FAM178B: variants seen among roughly 807,000 people sequenced by gnomAD.
FAM178B encodes the protein family with sequence similarity 178 member B.
FAM178B carries 82 observed loss-of-function variants against 91.7 expected under a neutral mutation model. The ratio of observed to expected loss-of-function variants is 0.89; its 90% confidence interval spans 0.75 to 1.07. FAM178B has a LOEUF of 1.07. Among genes scored for constraint, FAM178B ranks in the 50% least tolerant of loss-of-function variants. The pLI is 0.00. For synonymous variants in FAM178B, 368 were observed against 359.4 expected, an observed-to-expected ratio of 1.02 and a Z score of -0.27; for missense variants, 769 against 846.7, an observed-to-expected ratio of 0.91 and a Z score of 1.14.
intron 16 of FAM178B, among the ~76,000 whole-genome samples, chr2:96,876,671 G>A (rs753995784): frequency 4.6e-5 from 7 of 152,146 alleles, no homozygotes; most frequent in African/African-American, 1.7e-4. Flanking sequence ...ACCACAGCCT[G>A]TGGCCAGTGT....
intron 7 of FAM178B, among the ~76,000 whole-genome samples, chr2:96,950,966 T>C (rs1257020): frequency 0.8 from 121,079 of 152,108 alleles, 49,765 homozygotes; most frequent in African/African-American, 0.94. Context: ...GGACCTGTGA[T>C]CGCTGGTGAA....
chr2:96,961,388 G>A (rs1315373687), intron 5 of FAM178B, among the ~76,000 whole-genome samples: 3 of 151,774 alleles, frequency 2.0e-5, no homozygotes, highest in Admixed American at 1.3e-4. Flanking sequence ...GACATGCTCA[G>A]ACACGTGCAA....
Position 96,892,973 on chromosome 2 carries a change from A to G in FAM178B, c.1776+953T>C, listed in dbSNP as rs527352485. 2.0e-5 allele frequency among the ~76,000 whole-genome samples: 3 copies of G among 152,340 alleles called. No individual in the cohort carries two copies. In the East Asian group the frequency reaches 5.8e-4, roughly 29 times the overall value. ...CACTAATATTAGGCACAACTGAAAGACAACCTTCCCCACATGTTCCAGAAG... is the reference window on the plus strand; with the variant it reads ...CACTAATATTAGGCACAACTGAAAGGCAACCTTCCCCACATGTTCCAGAAG... On this transcript the variant is annotated intron_variant, in intron 14 of 16. Coordinates refer to ENST00000490605, the MANE Select transcript of FAM178B (RefSeq NM_001122646.3).
At chr2:96,933,422 A>G (rs910621070) in intron 8 of FAM178B, among the ~76,000 whole-genome samples, 2 of 152,072 alleles carry the variant, frequency 1.3e-5, no homozygotes, top group African/African-American at 2.4e-5. Flanking sequence ...GCCTAAAATA[A>G]AAGTGGCTTT....
intron 9 of FAM178B, among the ~76,000 whole-genome samples, chr2:96,928,668 C>T (rs998097709): frequency 4.6e-5 from 7 of 152,106 alleles, no homozygotes; most frequent in Non-Finnish European, 1.0e-4. Context: ...GTGGGGGCAG[C>T]GGGGGCTGAG....
Position 96,906,398 on chromosome 2 carries a change from A to T in FAM178B, c.1563-3691T>A, listed in dbSNP as rs146674969. Among the ~76,000 whole-genome samples the T allele has an allele frequency of 2.1e-3, 315 of 152,100 alleles. 2 individuals are homozygous for T. The highest frequency in any genetic ancestry group is 7.0e-3 in the African/African-American group (292 of 41,502). ...AATTTTTCTGGCATAAGTTTATCCCATGTGATATGTGCATCGTGTCTAGCA... is the reference window on the plus strand; with the variant it reads ...AATTTTTCTGGCATAAGTTTATCCCTTGTGATATGTGCATCGTGTCTAGCA... On this transcript the variant is annotated intron_variant, in intron 12 of 16. Coordinates refer to ENST00000490605, the MANE Select transcript of FAM178B (RefSeq NM_001122646.3).
intron 14 of FAM178B, among the ~76,000 whole-genome samples, chr2:96,879,849 C>T (rs1189951543): frequency 6.6e-6 from 1 of 152,248 alleles, no homozygotes; most frequent in African/African-American, 2.4e-5. Flanking sequence ...TGTGGACGCC[C>T]GAGTTGCCCG....
chr2:96,920,086 A>G (rs964094117), intron 12 of FAM178B, among the ~76,000 whole-genome samples: 10 of 152,298 alleles, frequency 6.6e-5, no homozygotes, highest in African/African-American at 2.4e-4. Flanking sequence ...CATTCTAGGC[A>G]GGAGGAGCTG....
chr2:96,940,021 G>T (rs2081700364), intron 8 of FAM178B, among the ~76,000 whole-genome samples: 2 of 152,324 alleles, frequency 1.3e-5, no homozygotes, highest in Non-Finnish European at 2.9e-5. Flanking sequence ...ACTATGCCAA[G>T]CACATGACAG....
At chr2:96,932,706 G>A (rs959832376) in intron 8 of FAM178B, among the ~76,000 whole-genome samples, 2 of 152,082 alleles carry the variant, frequency 1.3e-5, no homozygotes. Flanking sequence ...GGGAGGCCGA[G>A]GTGGGTGGAT....
intron 1 of FAM178B, among the ~76,000 whole-genome samples, chr2:96,974,381 C>CAAAAA (rs1171601429): frequency 1.3e-3 from 21 of 16,224 alleles, no homozygotes; most frequent in Admixed American, 2.4e-3. Context: ...GACTCCATCT[C>CAAAAA]AAAAAAAAAA....
At chr2:96,921,322 C>A in intron 11 of FAM178B, 60 bp from the exon 12 acceptor site, 1 of 1,525,442 alleles carries the variant, frequency 6.6e-7, no homozygotes, top group South Asian at 1.2e-5. Context: ...TTGCTCTCGC[C>A]ACCCAGCCCG....
intron 9 of FAM178B, 151 bp downstream of exon 9, chr2:96,929,055 G>A (rs1205350373): frequency 3.2e-6 from 2 of 624,642 alleles, no homozygotes; most frequent in Non-Finnish European, 5.7e-6. Flanking sequence ...CTACTCAGGA[G>A]GCTGAGGTGG....
chr2:96,876,144 G>T lies in FAM178B; in HGVS notation c.*132C>A. 1.1e-6 allele frequency: 1 copy of T among 896,126 alleles called. No individual in the cohort carries two copies. Among genetic ancestry groups the T allele is most frequent in the Non-Finnish European group, 1.7e-6 (1 of 581,616 alleles). The allele number at this position is 896,126 out of a possible 1,614,324, so 55.5% of individuals were successfully genotyped here. On this transcript the variant is annotated 3_prime_UTR_variant, in exon 17 of 17. Coordinates refer to ENST00000490605, the MANE Select transcript of FAM178B (RefSeq NM_001122646.3). ...GAGAGGGGTCGGGGCGGTGGCAGGGGCAGGCTCTTGCCTCATCAGGCTGGT... is the reference window on the plus strand; with the variant it reads ...GAGAGGGGTCGGGGCGGTGGCAGGGTCAGGCTCTTGCCTCATCAGGCTGGT...
intron 11 of FAM178B, 21 bp from the exon 12 acceptor site, chr2:96,921,283 ATG>A: frequency 6.5e-7 from 1 of 1,549,708 alleles, no homozygotes; most frequent in Non-Finnish European, 8.7e-7. Flanking sequence ...ACGGCACCCC[ATG>A]GGCTACAGGA....
At chr2:96,926,279 G>A (rs920919129) in intron 9 of FAM178B, among the ~76,000 whole-genome samples, 1 of 152,128 alleles carries the variant, frequency 6.6e-6, no homozygotes, top group Non-Finnish European at 1.5e-5. Flanking sequence ...TCCAGCCTGG[G>A]CAACAAGAGT....
At chr2:96,983,908 TATCCA>T (rs1292643908) in intron 1 of FAM178B, among the ~76,000 whole-genome samples, 2 of 152,238 alleles carry the variant, frequency 1.3e-5, no homozygotes, top group African/African-American at 4.8e-5. Flanking sequence ...ACTACTTATT[TATCCA>T]TTCCGCTGTT....
chr2:96,890,934 C>A (rs954610200), intron 14 of FAM178B, among the ~76,000 whole-genome samples: 3 of 152,240 alleles, frequency 2.0e-5, no homozygotes, highest in African/African-American at 7.2e-5. Flanking sequence ...CCAGATCAAA[C>A]CAGGCATGCA....
intron 13 of FAM178B, among the ~76,000 whole-genome samples, chr2:96,899,628 G>A (rs550075510): frequency 7.9e-5 from 12 of 151,036 alleles, no homozygotes; most frequent in African/African-American, 2.7e-4. Context: ...CAGTGGAGCC[G>A]TCATGGCTCA....
Sources: allele counts gnomAD v4.1 joint callset (sites outside exome capture counted in the v4.1 genomes callset), GRCh38; gene constraint gnomAD v4.1.1; transcripts MANE v1.5; gene names NCBI Gene and HGNC (gene_info 2026-07-23, HGNC 2026-07-21).